COG4: variants seen among roughly 807,000 people sequenced by gnomAD.
COG4 encodes the protein component of oligomeric golgi complex 4, also known as conserved oligomeric Golgi complex subunit 4.
COG4 carries 65 observed loss-of-function variants against 95.1 expected under a neutral mutation model. That is an observed-to-expected ratio of 0.68 (90% CI 0.56 to 0.84). COG4 has a LOEUF of 0.84. COG4 is among the 40% of genes least tolerant of loss of function. The probability of loss-of-function intolerance (pLI) is 0.00; values close to 1 mark genes in which losing one functional copy is unlikely to be tolerated. For synonymous variants in COG4, 421 were observed against 374.8 expected, an observed-to-expected ratio of 1.12 and a Z score of -1.42; for missense variants, 1,045 against 989.1, an observed-to-expected ratio of 1.06 and a Z score of -0.76.
Position 70,482,134 on chromosome 16 carries a change from T to A in COG4, c.1962A>T (p.Gln654His), listed in dbSNP as rs1344658908. ...GCTGCTCCAGGTTAAGGATGAACTG[T>A]TGTACCCAAGGGTCGTTGGCCTCAT... Reference protein sequence around the residue: ...NDYEANDPWVQQFILNLEQQM... With the variant: ...NDYEANDPWVHQFILNLEQQM... The change falls in exon 16 of 19, where the codon CAA becomes CAT. Residue 654 changes from glutamine to histidine, a missense_variant. Physicochemically the swap from Gln to His is conservative, Grantham distance 24. Coordinates refer to ENST00000323786, the MANE Select transcript of COG4 (RefSeq NM_015386.3). 6.2e-7 allele frequency: 1 copy of A among 1,614,066 alleles called. No homozygotes were observed. The highest frequency in any genetic ancestry group is 2.2e-5 in the East Asian group (1 of 44,890).
chr16:70,523,308 T>C, intron 1 of COG4, 65 bp downstream of exon 1: 1 of 1,591,168 alleles, frequency 6.3e-7, no homozygotes, highest in Non-Finnish European at 8.6e-7. Flanking sequence ...CAGCCCGGAT[T>C]TCCCGACTGA....
intron 9 of COG4, 103 bp from the exon 10 acceptor site, chr16:70,498,158 T>C (rs1036328422): frequency 1.3e-5 from 10 of 745,496 alleles, no homozygotes; most frequent in African/African-American, 8.6e-5. Context: ...CTTTGAAATA[T>C]GTACATATTT....
At chr16:70,488,862 A>AT (rs1407864480) in intron 13 of COG4, among the ~76,000 whole-genome samples, 13 of 152,062 alleles carry the variant, frequency 8.5e-5, no homozygotes, top group African/African-American at 3.1e-4. Context: ...AGCTACTGTT[A>AT]TTTTTAACTG....
Position 70,514,476 on chromosome 16 carries a change from C to A in COG4, c.403G>T (p.Asp135Tyr). Residue 135 changes from aspartate to tyrosine, a missense_variant, in exon 4 of 19, where the codon GAC becomes TAC. Coordinates refer to ENST00000323786, the MANE Select transcript of COG4 (RefSeq NM_015386.3). ...ATGCAGAACTTCAGGTCCAAGATGT[C>A]ATCAGCTCTCTGAATGGCCTGATAG... ...RLYQAIQRADDILDLKFCMDG... is the reference protein window; with the variant it reads ...RLYQAIQRADYILDLKFCMDG... 1 of 1,614,152 alleles carries A rather than the reference C, an allele frequency of 6.2e-7. No individual in the cohort carries two copies. The highest frequency in any genetic ancestry group is 8.5e-7 in the Non-Finnish European group (1 of 1,180,034).
intron 13 of COG4, among the ~76,000 whole-genome samples, chr16:70,485,576 CTGTTTTTTT>C (rs1225305595): frequency 6.8e-6 from 1 of 147,648 alleles, no homozygotes; most frequent in South Asian, 2.1e-4. Context: ...TCCAAAAATC[CTGTTTTTTT>C]TGTTTTTTTT....
chr16:70,487,367 C>T (rs867316056), intron 13 of COG4, among the ~76,000 whole-genome samples: 30 of 151,890 alleles, frequency 2.0e-4, no homozygotes, highest in African/African-American at 6.3e-4. Context: ...GATGCCAAGG[C>T]GGGTGGATCA....
chr16:70,513,577 TATA>T (rs2049756787), intron 4 of COG4, among the ~76,000 whole-genome samples: 1 of 152,174 alleles, frequency 6.6e-6, no homozygotes, highest in African/African-American at 2.4e-5. Context: ...AACAATAATA[TATA>T]ATAAGATATA....
chr16:70,482,224 C>G, intron 15 of COG4, 49 bp from the exon 16 acceptor site: 1 of 1,098,632 alleles, frequency 9.1e-7, no homozygotes, highest in Non-Finnish European at 1.4e-6. Flanking sequence ...TAAGAAGTAC[C>G]ATTCATTGCC....
chr16:70,511,824 C>T (rs985511637), intron 5 of COG4, among the ~76,000 whole-genome samples: 3 of 151,004 alleles, frequency 2.0e-5, no homozygotes, highest in Admixed American at 2.0e-4. Context: ...CCCAGCTACT[C>T]GGGAGGCTGA....
intron 8 of COG4, among the ~76,000 whole-genome samples, chr16:70,506,623 A>AAC (rs1005105526): frequency 7.5e-4 from 100 of 133,220 alleles, no homozygotes; most frequent in Non-Finnish European, 1.2e-3. Flanking sequence ...AAAAACAAAA[A>AAC]AAAAAACATT....
chr16:70,501,636 G>A (rs562205828), intron 8 of COG4: 472 of 161,066 alleles, frequency 2.9e-3, no homozygotes, highest in Non-Finnish European at 4.2e-3. Flanking sequence ...TTACAGGTGT[G>A]AGCCACTGCG....
intron 1 of COG4, among the ~76,000 whole-genome samples, chr16:70,522,047 G>A (rs887357062): frequency 5.5e-5 from 8 of 145,996 alleles, no homozygotes; most frequent in African/African-American, 2.0e-4. Flanking sequence ...GCCCAGGCTA[G>A]AGTGTAATGG....
At chr16:70,518,314 G>C (rs2049867084) in intron 2 of COG4, among the ~76,000 whole-genome samples, 1 of 152,178 alleles carries the variant, frequency 6.6e-6, no homozygotes, top group Non-Finnish European at 1.5e-5. Context: ...GTGAGCATAA[G>C]ATGCACTAAC....
At chr16:70,517,394 C>G (rs923336078) in intron 3 of COG4, among the ~76,000 whole-genome samples, 6 of 151,438 alleles carry the variant, frequency 4.0e-5, no homozygotes, top group African/African-American at 1.5e-4. Flanking sequence ...TCAGGACCAG[C>G]CCGGGGAACA....
At chr16:70,503,269 C>T (rs1450391059) in intron 8 of COG4, among the ~76,000 whole-genome samples, 1 of 152,170 alleles carries the variant, frequency 6.6e-6, no homozygotes, top group Admixed American at 6.5e-5. Flanking sequence ...CCAGGCTGGT[C>T]TCAAACTCCT....
At position 70,508,211 on chromosome 16, in the gene COG4, G is replaced by A. The variant is rs537272218; in HGVS notation, c.1061+195C>T. On this transcript the variant is annotated intron_variant, in intron 8 of 18. Coordinates refer to ENST00000323786, the MANE Select transcript of COG4 (RefSeq NM_015386.3). ...TGGGATTACAGGTGTGAGCCACCGC[G>A]CCCGGCTGATTATGACTGATTACAC... Among the ~76,000 whole-genome samples the A allele has an allele frequency of 2.6e-5, 4 of 152,224 alleles. No individual in the cohort carries two copies. In the South Asian group the frequency reaches 8.3e-4, roughly 32 times the overall value.
rs2048975195 is a variant in COG4, at chr16:70,480,896, G to T, written c.*114C>A. 7.9e-7 allele frequency: 1 copy of T among 1,260,370 alleles called. No individual in the cohort carries two copies. Among genetic ancestry groups the T allele is most frequent in the Non-Finnish European group, 1.1e-6 (1 of 875,262 alleles). The allele number at this position is 1,260,370 out of a possible 1,614,324, so 78.1% of individuals were successfully genotyped here. On this transcript the variant is annotated 3_prime_UTR_variant, in exon 19 of 19. Transcript: ENST00000323786. ...GTTTCTCTGCTGCCAGCCGTAGAAA[G>T]GTCTGGGCTGTCAGATCTCCCCCAA...
At chr16:70,495,292 G>A (rs935643718) in intron 12 of COG4, among the ~76,000 whole-genome samples, 3 of 151,466 alleles carry the variant, frequency 2.0e-5, no homozygotes, top group African/African-American at 7.3e-5. Flanking sequence ...AGCTACTCGG[G>A]AGGCTAAAGC....
intron 12 of COG4, among the ~76,000 whole-genome samples, chr16:70,493,046 G>A (rs182877000): frequency 3.3e-5 from 5 of 152,274 alleles, no homozygotes; most frequent in Admixed American, 2.0e-4. Flanking sequence ...CTGTTTCGGT[G>A]TAAGGCATTC....
Sources: gnomAD v4.1 joint callset for allele counts (sites outside exome capture counted in the v4.1 genomes callset) on GRCh38, gnomAD v4.1.1 for gene constraint, MANE v1.5 for transcripts, NCBI Gene and HGNC (gene_info 2026-07-23, HGNC 2026-07-21) for gene names.